CHRM3: variants seen among roughly 807,000 people sequenced by gnomAD.
The protein encoded by CHRM3 is muscarinic acetylcholine receptor M3.
CHRM3 carries 11 observed loss-of-function variants against 41.8 expected under a neutral mutation model. That is an observed-to-expected ratio of 0.26 (90% CI 0.17 to 0.44). The LOEUF is 0.44. Among genes scored for constraint, CHRM3 ranks in the 20% least tolerant of loss-of-function variants. CHRM3 has a pLI of 1.00. For synonymous variants in CHRM3, 297 were observed against 301.4 expected (o/e 0.99, Z 0.15); for missense variants, 571 against 745.4 (o/e 0.77, Z 2.72).
intron 1 of CHRM3, among the ~76,000 whole-genome samples, chr1:239,405,775 A>G (rs1336475095): frequency 6.6e-6 from 1 of 152,164 alleles, no homozygotes; most frequent in Non-Finnish European, 1.5e-5. Context: ...TGAGTGACAG[A>G]AGTTGCTGTT....
At chr1:239,610,587 C>T (rs995455717) in intron 3 of CHRM3, among the ~76,000 whole-genome samples, 13 of 152,158 alleles carry the variant, frequency 8.5e-5, no homozygotes, top group Admixed American at 8.5e-4. Flanking sequence ...TTGGTCCTCA[C>T]ATCAGCTTGT....
intron 3 of CHRM3, among the ~76,000 whole-genome samples, chr1:239,625,151 T>A (rs1268468118): frequency 2.1e-5 from 1 of 48,670 alleles, no homozygotes; most frequent in African/African-American, 1.3e-4. Context: ...GTTCTTCCAT[T>A]TGTTTGTGTC....
intron 5 of CHRM3, among the ~76,000 whole-genome samples, chr1:239,820,702 T>C (rs1404181953): frequency 2.0e-5 from 3 of 152,104 alleles, no homozygotes; most frequent in Non-Finnish European, 4.4e-5. Flanking sequence ...GCCATGTTGG[T>C]CTTCAAGACA....
intron 5 of CHRM3, among the ~76,000 whole-genome samples, chr1:239,721,237 A>G (rs549880800): frequency 6.6e-6 from 1 of 152,034 alleles, no homozygotes; most frequent in Admixed American, 6.6e-5. Flanking sequence ...AATTCTCTTT[A>G]GAGGGAATGC....
chr1:239,451,622 T>C (rs1457695896), intron 1 of CHRM3, among the ~76,000 whole-genome samples: 2 of 152,200 alleles, frequency 1.3e-5, no homozygotes, highest in African/African-American at 4.8e-5. Flanking sequence ...CATATTTTTT[T>C]AATCAGATTT....
intron 5 of CHRM3, among the ~76,000 whole-genome samples, chr1:239,779,226 C>A (rs915895158): frequency 1.4e-4 from 22 of 152,138 alleles, no homozygotes; most frequent in Non-Finnish European, 2.5e-4. Flanking sequence ...TTCCCATACA[C>A]CCCCTGCCCC....
At chr1:239,584,252 T>G (rs2148604661) in intron 3 of CHRM3, among the ~76,000 whole-genome samples, 1 of 151,904 alleles carries the variant, frequency 6.6e-6, no homozygotes, top group Middle Eastern at 3.4e-3. Context: ...TACAGGTGTG[T>G]GCCACCATGC....
chr1:239,592,765 C>T (rs1398701928), intron 3 of CHRM3, among the ~76,000 whole-genome samples: 1 of 152,060 alleles, frequency 6.6e-6, no homozygotes, highest in Non-Finnish European at 1.5e-5. Flanking sequence ...CACTTTGGGA[C>T]TATTTTGAAT....
At chr1:239,469,607 A>T (rs985434037) in intron 1 of CHRM3, among the ~76,000 whole-genome samples, 23 of 151,992 alleles carry the variant, frequency 1.5e-4, no homozygotes, top group African/African-American at 5.3e-4. Context: ...CCCAGGCTGG[A>T]ATGCAATGGC....
chr1:239,620,026 T>A (rs2148808779), intron 3 of CHRM3, among the ~76,000 whole-genome samples: 1 of 152,306 alleles, frequency 6.6e-6, no homozygotes, highest in South Asian at 2.1e-4. Context: ...GGACTGGACC[T>A]TTTCTTTTGT....
At chr1:239,418,022 T>C (rs1407115207) in intron 1 of CHRM3, among the ~76,000 whole-genome samples, 1 of 152,218 alleles carries the variant, frequency 6.6e-6, no homozygotes, top group African/African-American at 2.4e-5. Context: ...TGCCGGGTCT[T>C]TTAACTCCAT....
intron 3 of CHRM3, among the ~76,000 whole-genome samples, chr1:239,609,248 A>G (rs1013740426): frequency 1.3e-5 from 2 of 152,138 alleles, no homozygotes; most frequent in African/African-American, 4.8e-5. Flanking sequence ...GATGATAAAA[A>G]CTGTACTCTT....
chr1:239,569,721 G>A (rs535674071), intron 3 of CHRM3, among the ~76,000 whole-genome samples: 1 of 152,286 alleles, frequency 6.6e-6, no homozygotes, highest in East Asian at 1.9e-4. Context: ...CAGTAGTGAA[G>A]TAAGTTTCCT....
intron 5 of CHRM3, among the ~76,000 whole-genome samples, chr1:239,765,260 C>T (rs1667110763): frequency 6.6e-6 from 1 of 152,136 alleles, no homozygotes; most frequent in Non-Finnish European, 1.5e-5. Context: ...GTTCAGGCAA[C>T]CTAGGGATCT....
At chr1:239,421,249 C>G (rs1173460776) in intron 1 of CHRM3, among the ~76,000 whole-genome samples, 1 of 152,148 alleles carries the variant, frequency 6.6e-6, no homozygotes, top group Non-Finnish European at 1.5e-5. Flanking sequence ...GATTTTAGCA[C>G]TTTTTAACTT....
At chr1:239,905,838 C>G (rs552500906) in intron 6 of CHRM3, among the ~76,000 whole-genome samples, 1 of 152,144 alleles carries the variant, frequency 6.6e-6, no homozygotes, top group Admixed American at 6.5e-5. Context: ...GCAGCCAAAG[C>G]AAAGAGAGCT....
At chr1:239,659,911 G>A (rs1158817846) in intron 4 of CHRM3, among the ~76,000 whole-genome samples, 1 of 152,134 alleles carries the variant, frequency 6.6e-6, no homozygotes, top group Non-Finnish European at 1.5e-5. Flanking sequence ...CATTTGCAAA[G>A]ACCATCAGTG....
At chr1:239,427,138 C>T (rs1368379123) in intron 1 of CHRM3, among the ~76,000 whole-genome samples, 6 of 152,086 alleles carry the variant, frequency 3.9e-5, no homozygotes, top group Admixed American at 2.0e-4. Flanking sequence ...AAGTCATTTT[C>T]CTGTGGTAGT....
rs532675448 is a variant in CHRM3, at chr1:239,573,567, A to G, written c.-313+27818A>G. 8.5e-5 allele frequency among the ~76,000 whole-genome samples: 13 copies of G among 152,202 alleles called. No homozygotes were observed. In the South Asian group the frequency reaches 2.3e-3, roughly 27 times the overall value. On this transcript the variant is annotated intron_variant, in intron 3 of 6. Coordinates refer to ENST00000676153, the MANE Select transcript of CHRM3 (RefSeq NM_001375978.1). ...TGTGCATAGCCTATATTGAAATCAAATGATCCTTAATATGCATAGTCTCAT... is the reference window on the plus strand; with the variant it reads ...TGTGCATAGCCTATATTGAAATCAAGTGATCCTTAATATGCATAGTCTCAT...
Sources: gnomAD v4.1 joint callset for allele counts (sites outside exome capture counted in the v4.1 genomes callset) on GRCh38, gnomAD v4.1.1 for gene constraint, MANE v1.5 for transcripts, NCBI Gene and HGNC (gene_info 2026-07-23, HGNC 2026-07-21) for gene names.